The following C9orf78 variants were observed in gnomAD, a reference collection of about 807,000 sequenced individuals.
C9orf78 encodes the protein splicing factor C9orf78.
A neutral mutation model predicts 37.4 loss-of-function variants in C9orf78; 19 were observed. That is an observed-to-expected ratio of 0.51 (90% CI 0.35 to 0.74). The LOEUF (loss-of-function observed/expected upper bound fraction) is 0.74, where lower values mean the gene tolerates loss of function less well. C9orf78 is among the 30% of genes least tolerant of loss of function. The pLI, the probability that C9orf78 is intolerant of heterozygous loss-of-function variation, is 0.01. For synonymous variants in C9orf78, 130 were observed against 128.0 expected, an observed-to-expected ratio of 1.02 and a Z score of -0.10; for missense variants, 291 against 370.8, an observed-to-expected ratio of 0.78 and a Z score of 1.77.
chr9:129,833,734 G>A (rs2031584749), intron 2 of C9orf78, 25 bp from the exon 3 acceptor site: 1 of 1,569,256 alleles, frequency 6.4e-7, no homozygotes, highest in Admixed American at 1.7e-5. Flanking sequence ...AAAAAAAAGA[G>A]AGGGGGAGAG....
At chr9:129,829,718 G>A (rs1008128213) in intron 6 of C9orf78, 177 bp from the exon 7 acceptor site, 25 of 576,878 alleles carry the variant, frequency 4.3e-5, no homozygotes, top group Admixed American at 9.3e-5. Context: ...ACGGCTGTCG[G>A]AGAACCACAG....
chr9:129,832,658 C>G (rs1243254140), intron 4 of C9orf78, among the ~76,000 whole-genome samples: 1 of 152,162 alleles, frequency 6.6e-6, no homozygotes, highest in African/African-American at 2.4e-5. Context: ...AGGCTGGTCT[C>G]GAACTCCTGA....
intron 1 of C9orf78, 112 bp downstream of exon 1, chr9:129,835,027 A>AACC: frequency 1.1e-6 from 1 of 914,616 alleles, no homozygotes; most frequent in South Asian, 1.4e-5. Flanking sequence ...CCGCAGAAGG[A>AACC]ACCACCACCC....
In C9orf78 at chr9:129,834,728, C is replaced by T; in HGVS notation, c.122G>A (p.Arg41Lys). 6.2e-7 allele frequency: 1 copy of T among 1,612,730 alleles called. No individual in the cohort carries two copies. Among genetic ancestry groups the T allele is most frequent in the Non-Finnish European group, 8.5e-7 (1 of 1,179,014 alleles). Reference sequence around the variant, plus strand: ...CCACCTCACCCCGTTGGGCCTCTTCCTCAAGTTCTGTACCTCTCTGGTCTC... The same window carrying T: ...CCACCTCACCCCGTTGGGCCTCTTCTTCAAGTTCTGTACCTCTCTGGTCTC... ...LEETREVQNL[R>K]KRPNGVSAVA... The change falls in exon 2 of 9, where the codon AGG (arginine) becomes AAG (lysine). Residue 41 changes from arginine to lysine, a missense_variant. Coordinates refer to ENST00000372447, the MANE Select transcript of C9orf78 (RefSeq NM_016520.3).
At chr9:129,834,147 G>T (rs1288942282) in intron 2 of C9orf78, 1 of 193,994 alleles carries the variant, frequency 5.2e-6, no homozygotes, top group Non-Finnish European at 1.1e-5. Context: ...ATATTATGCA[G>T]CCATTAAGGC....
intron 2 of C9orf78, chr9:129,834,336 GA>G (rs1197898033): frequency 1.1e-4 from 26 of 229,630 alleles, no homozygotes; most frequent in Non-Finnish European, 1.7e-4. Flanking sequence ...GCTCTGCAAG[GA>G]AAAAAAATGT....
At chr9:129,831,093 C>T in intron 5 of C9orf78, 25 bp from the exon 6 acceptor site, 1 of 1,522,760 alleles carries the variant, frequency 6.6e-7, no homozygotes, top group Non-Finnish European at 9.1e-7. Flanking sequence ...CCAGAGGCCT[C>T]AGGGAGGGGT....
Position 129,834,747 on chromosome 9 carries a change from T to C in C9orf78, c.103A>G (p.Arg35Gly), listed in dbSNP as rs777202959. Residue 35 changes from arginine to glycine, a missense_variant, in exon 2 of 9, where the codon AGA (arginine) becomes GGA (glycine). Transcript: ENST00000372447. ...EEVRLKLEETREVQNLRKRPN... is the reference protein window; with the variant it reads ...EEVRLKLEETGEVQNLRKRPN... Reference sequence around the variant, plus strand: ...CTCTTCCTCAAGTTCTGTACCTCTCTGGTCTCTTCCAGTTTTAATCTTTAA... The same window carrying C: ...CTCTTCCTCAAGTTCTGTACCTCTCCGGTCTCTTCCAGTTTTAATCTTTAA... The C allele has an allele frequency of 6.2e-7, 1 of 1,611,100 alleles. No individual in the cohort carries two copies.
At chr9:129,833,545 A>G (rs1185420209) in intron 3 of C9orf78, 28 bp from the exon 4 acceptor site, 2 of 1,547,402 alleles carry the variant, frequency 1.3e-6, no homozygotes. Flanking sequence ...AGTTAAGAGG[A>G]AGCATCTAAA....
At chr9:129,834,253 A>G (rs1209823963) in intron 2 of C9orf78, 2 of 182,914 alleles carry the variant, frequency 1.1e-5, no homozygotes, top group Non-Finnish European at 2.3e-5. Flanking sequence ...GTTGTTCACA[A>G]TCTGAGAGAG....
chr9:129,830,278 G>C (rs2031459055), intron 6 of C9orf78: 1 of 144,318 alleles, frequency 6.9e-6, no homozygotes, highest in African/African-American at 2.6e-5. Context: ...TTTTTTAAAG[G>C]GTCTTACTCT....
At chr9:129,833,973 G>T (rs1376329288) in intron 2 of C9orf78, 4 of 443,550 alleles carry the variant, frequency 9.0e-6, no homozygotes. Context: ...ATCTTGGCCT[G>T]GAAATCTCAT....
intron 1 of C9orf78, 152 bp from the exon 2 acceptor site, chr9:129,834,918 C>A: frequency 1.4e-6 from 1 of 701,358 alleles, no homozygotes; most frequent in South Asian, 1.7e-5. Flanking sequence ...TGTGCCTAGA[C>A]CCACCGGGAG....
chr9:129,833,073 G>A, intron 4 of C9orf78, among the ~76,000 whole-genome samples: 1 of 147,962 alleles, frequency 6.8e-6, no homozygotes, highest in African/African-American at 2.5e-5. Context: ...ACATATGTGT[G>A]TGTGTGTGTG....
chr9:129,834,411 C>A (rs1177030012), intron 2 of C9orf78: 2 of 383,268 alleles, frequency 5.2e-6, no homozygotes, highest in Non-Finnish European at 9.3e-6. Context: ...CTATACTTTT[C>A]TAAATTATAC....
intron 6 of C9orf78, 101 bp from the exon 7 acceptor site, chr9:129,829,642 T>A: frequency 2.0e-6 from 2 of 1,007,514 alleles, no homozygotes; most frequent in Middle Eastern, 3.3e-4. Flanking sequence ...AAGAAAATCA[T>A]GTGTCCTGGG....
rs1232926483 is a variant in C9orf78 at position 129,829,400 on chromosome 9, C to T, written c.679+5G>A. On this transcript the variant is annotated splice_donor_5th_base_variant and intron_variant, in intron 7 of 8. Coordinates refer to ENST00000372447, the MANE Select transcript of C9orf78 (RefSeq NM_016520.3). ...GGGGGCAAGACTGCTCTCCGAGGGGCTTACATCTGTTGTGCTGCACATAAT... is the reference window on the plus strand; with the variant it reads ...GGGGGCAAGACTGCTCTCCGAGGGGTTTACATCTGTTGTGCTGCACATAAT... The T allele has an allele frequency of 6.2e-7, 1 of 1,613,222 alleles. No individual in the cohort carries two copies. Among genetic ancestry groups the T allele is most frequent in the African/African-American group, 1.3e-5 (1 of 74,868 alleles).
chr9:129,829,325 G>C, intron 7 of C9orf78, 22 bp from the exon 8 acceptor site: 1 of 1,601,898 alleles, frequency 6.2e-7, no homozygotes. Flanking sequence ...GAGACCAGGG[G>C]ACACGTTAGA....
Position 129,834,719 on chromosome 9 carries a change from G to C in C9orf78, c.131C>G (p.Pro44Arg). Residue 44 changes from proline to arginine, a missense_variant, in exon 2 of 9, where the codon CCC (proline) becomes CGC (arginine). Physicochemically the swap from Pro to Arg is moderately radical, Grantham distance 103 (BLOSUM62 -2). Transcript: ENST00000372447. Reference protein sequence around the residue: ...TREVQNLRKRPNGVSAVALLV... With the variant: ...TREVQNLRKRRNGVSAVALLV... ...GCGTGGTACCCACCTCACCCCGTTG[G>C]GCCTCTTCCTCAAGTTCTGTACCTC... 6.2e-7 allele frequency: 1 copy of C among 1,611,996 alleles called. No individual in the cohort carries two copies.
Sources: allele counts gnomAD v4.1 joint callset (sites outside exome capture counted in the v4.1 genomes callset), GRCh38; gene constraint gnomAD v4.1.1; transcripts MANE v1.5; gene names NCBI Gene and HGNC (gene_info 2026-07-23, HGNC 2026-07-21).